The following RNF125 variants were observed in gnomAD, a reference collection of about 807,000 sequenced individuals.
RNF125 encodes the protein E3 ubiquitin-protein ligase RNF125.
In RNF125, 21 loss-of-function variants were observed where a neutral mutation model predicts 26.0. That is an observed-to-expected ratio of 0.81 (90% CI 0.57 to 1.16). The LOEUF (loss-of-function observed/expected upper bound fraction) is 1.16. Ranked by LOEUF, RNF125 falls within the 50% of genes most tolerant of loss-of-function variation. The pLI, the probability that RNF125 is intolerant of heterozygous loss-of-function variation, is 0.00. For synonymous variants in RNF125, 95 were observed against 109.2 expected (o/e 0.87, Z 0.81); for missense variants, 270 against 299.4 (o/e 0.90, Z 0.72).
At chr18:32,037,090 A>T in intron 1 of RNF125, 26 bp from the exon 2 acceptor site, 1 of 1,566,262 alleles carries the variant, frequency 6.4e-7, no homozygotes. Context: ...AAGGAAAGTG[A>T]TGTATTTTTG....
chr18:32,064,573 A>G (rs2039467525), intron 4 of RNF125, among the ~76,000 whole-genome samples: 1 of 141,320 alleles, frequency 7.1e-6, no homozygotes, highest in African/African-American at 2.5e-5. Context: ...ACACACACAC[A>G]CTGAAAAATA....
At chr18:32,026,890 C>A (rs1440455462) in intron 1 of RNF125, among the ~76,000 whole-genome samples, 1 of 152,228 alleles carries the variant, frequency 6.6e-6, no homozygotes, top group Non-Finnish European at 1.5e-5. Flanking sequence ...AAATCCAGAT[C>A]ATTCCCTACA....
In RNF125 at chr18:32,042,200, G is replaced by C; in HGVS notation, c.340G>C (p.Ala114Pro). 2 of 1,613,150 alleles carry C rather than the reference G, an allele frequency of 1.2e-6. No homozygotes were observed. The highest frequency in any genetic ancestry group is 2.2e-5 in the South Asian group (2 of 91,002). ...GTAGGTTTGCCTCAGTGAAATGAGG[G>C]CACATATTCGGACTTGTCAGAAGTA... ...DTLVCLSEMR[A>P]HIRTCQKYID... is the part of the protein sequence containing the mutation. The change falls in exon 3 of 6, where the codon GCA becomes CCA. Residue 114 changes from alanine to proline, a missense_variant. By Grantham distance (27) the Ala-to-Pro change is conservative. Coordinates refer to ENST00000217740, the MANE Select transcript of RNF125 (RefSeq NM_017831.4).
At chr18:32,036,887 C>G (rs2039160948) in intron 1 of RNF125, among the ~76,000 whole-genome samples, 1 of 152,064 alleles carries the variant, frequency 6.6e-6, no homozygotes, top group Non-Finnish European at 1.5e-5. Flanking sequence ...TCTTACTTTT[C>G]TTGAAATGTG....
intron 4 of RNF125, among the ~76,000 whole-genome samples, chr18:32,050,804 TG>T (rs1391772160): frequency 6.6e-6 from 1 of 150,748 alleles, no homozygotes; most frequent in South Asian, 2.1e-4. Flanking sequence ...TATTTTATTC[TG>T]TAAAGGGAAG....
At chr18:32,020,883 C>T (rs1365903980) in intron 1 of RNF125, among the ~76,000 whole-genome samples, 2 of 151,190 alleles carry the variant, frequency 1.3e-5, no homozygotes, top group South Asian at 4.2e-4. Context: ...CACTCTAGCC[C>T]GGGCAACAGA....
In RNF125 at chr18:32,055,979, C is replaced by CAAAA. The variant is rs67968645; in HGVS notation, c.505-9903_505-9900dup. 2.3e-3 allele frequency among the ~76,000 whole-genome samples: 184 copies of CAAAA among 78,818 alleles called. 3 individuals are homozygous for CAAAA. The highest frequency in any genetic ancestry group is 3.2e-3 in the African/African-American group (61 of 18,964). The allele number at this position is 78,818 out of a possible 152,430, so 51.7% of individuals were successfully genotyped here. A position where few individuals can be genotyped will look rare whatever the true frequency, so the allele number is the denominator to read the frequency against. On this transcript the variant is annotated intron_variant, in intron 4 of 5. Coordinates refer to ENST00000217740, the MANE Select transcript of RNF125 (RefSeq NM_017831.4). Reference sequence around the variant, plus strand: ...GGGTAACAAGAGTGAAACTCCATCTCAAAAAAAAAAAAAAAAAAAAAAAGA... The same window carrying CAAAA: ...GGGTAACAAGAGTGAAACTCCATCTCAAAAAAAAAAAAAAAAAAAAAAAAAAAGA...
chr18:32,047,806 G>A (rs1299035614), intron 4 of RNF125, among the ~76,000 whole-genome samples: 1 of 152,068 alleles, frequency 6.6e-6, no homozygotes, highest in African/African-American at 2.4e-5. Context: ...ATAGATAATG[G>A]ATAGAAATAA....
At chr18:32,079,508 A>T in the RNF125 span, among the ~76,000 whole-genome samples, 1 of 152,228 alleles carries the variant, frequency 6.6e-6, no homozygotes, top group Non-Finnish European at 1.5e-5. Flanking sequence ...TAAAGCCTAC[A>T]TGGGGAGCAA....
intron 4 of RNF125, among the ~76,000 whole-genome samples, chr18:32,049,068 C>T (rs894404752): frequency 3.3e-5 from 5 of 152,300 alleles, no homozygotes; most frequent in South Asian, 2.1e-4. Flanking sequence ...TGGGGCAGGC[C>T]GTGTACTGGT....
intron 3 of RNF125, among the ~76,000 whole-genome samples, chr18:32,045,058 C>T (rs192432715): frequency 4.7e-5 from 7 of 149,938 alleles, no homozygotes; most frequent in Admixed American, 2.7e-4. Context: ...GTGGAGGTTG[C>T]GGTGAGCCAA....
chr18:32,055,263 C>T (rs2039369247), intron 4 of RNF125, among the ~76,000 whole-genome samples: 2 of 149,046 alleles, frequency 1.3e-5, no homozygotes, highest in African/African-American at 5.0e-5. Context: ...GGCACCGCTG[C>T]ACTCCAGCCT....
At chr18:32,039,000 A>G (rs1488339696) in intron 2 of RNF125, among the ~76,000 whole-genome samples, 2 of 151,618 alleles carry the variant, frequency 1.3e-5, no homozygotes, top group Non-Finnish European at 2.9e-5. Context: ...TCCTGACCTC[A>G]GGCGATCTGC....
At chr18:32,043,572 A>C (rs1036949115) in intron 3 of RNF125, among the ~76,000 whole-genome samples, 2 of 152,220 alleles carry the variant, frequency 1.3e-5, no homozygotes, top group African/African-American at 2.4e-5. Context: ...ATCCTGTTAG[A>C]TTGACCACAA....
downstream of RNF125, among the ~76,000 whole-genome samples, chr18:32,074,956 TTTC>T (rs774401870): frequency 6.6e-6 from 1 of 152,248 alleles, no homozygotes; most frequent in Non-Finnish European, 1.5e-5. Context: ...TGAATTGTTC[TTTC>T]TTATTTATTA....
chr18:32,031,811 C>T (rs1012216715), intron 1 of RNF125, among the ~76,000 whole-genome samples: 1 of 152,048 alleles, frequency 6.6e-6, no homozygotes, highest in Non-Finnish European at 1.5e-5. Flanking sequence ...TTGATCTTCC[C>T]AACTGGGGTA....
the RNF125 span, among the ~76,000 whole-genome samples, chr18:32,083,841 T>C: frequency 6.6e-6 from 1 of 150,974 alleles, no homozygotes; most frequent in Non-Finnish European, 1.5e-5. Flanking sequence ...AGTTTGAAGC[T>C]GCAGTGAGCT....
At chr18:32,057,069 C>T (rs2144503613) in intron 4 of RNF125, among the ~76,000 whole-genome samples, 1 of 152,182 alleles carries the variant, frequency 6.6e-6, no homozygotes, top group Middle Eastern at 3.4e-3. Context: ...GAATGGTAAC[C>T]CAGTTATTAC....
intron 1 of RNF125, among the ~76,000 whole-genome samples, chr18:32,026,547 C>G (rs1228548822): frequency 6.6e-6 from 1 of 152,016 alleles, no homozygotes; most frequent in Non-Finnish European, 1.5e-5. Flanking sequence ...GCCTGAGCAC[C>G]CAGTCTTTTG....
Sources: allele counts gnomAD v4.1 joint callset (sites outside exome capture counted in the v4.1 genomes callset), GRCh38; gene constraint gnomAD v4.1.1; transcripts MANE v1.5; gene names NCBI Gene and HGNC (gene_info 2026-07-23, HGNC 2026-07-21).